The following CCDC50 variants were observed in gnomAD, a reference collection of about 807,000 sequenced individuals.
The protein encoded by CCDC50 is coiled-coil domain-containing protein 50.
A neutral mutation model predicts 70.2 loss-of-function variants in CCDC50; 54 were observed. The ratio of observed to expected loss-of-function variants is 0.77; its 90% CI spans 0.62 to 0.96. The LOEUF is 0.96. Ranked by LOEUF, CCDC50 falls within the 50% of genes least tolerant of loss-of-function variation. The pLI is 0.00. For missense variants in CCDC50, 558 were observed against 578.7 expected (o/e 0.96, Z 0.37); for synonymous variants, 216 against 198.8 (o/e 1.09, Z -0.73).
intron 1 of CCDC50, among the ~76,000 whole-genome samples, chr3:191,340,634 T>G (rs965490699): frequency 6.6e-6 from 1 of 152,198 alleles, no homozygotes; most frequent in Non-Finnish European, 1.5e-5. Flanking sequence ...TTTCTAATCT[T>G]GGACATTCAG....
rs1713749436 is a variant in CCDC50, at chr3:191,393,009, A to G, written c.*1249A>G. The stretch of plus-strand genomic sequence containing the variant: ...TGCCTTGGCCTCCCAAGGTGCTGGG[A>G]TTACAGGCTTAAGCCACCATGTCCA... On this transcript the variant is annotated 3_prime_UTR_variant, in exon 12 of 12. Coordinates refer to ENST00000392455, the MANE Select transcript of CCDC50 (RefSeq NM_178335.3). The G allele has an allele frequency of 6.6e-6, 1 of 152,412 alleles. No individual in the cohort carries two copies. Among genetic ancestry groups the G allele is most frequent in the Admixed American group, 6.5e-5 (1 of 15,282 alleles). The allele number at this position is 152,412 out of a possible 1,614,324, so 9.4% of individuals were successfully genotyped here. A position where few individuals can be genotyped will look rare whatever the true frequency, so the allele number is the denominator to read the frequency against.
chr3:191,363,849 A>C (rs1352885816), intron 4 of CCDC50, among the ~76,000 whole-genome samples: 1 of 152,212 alleles, frequency 6.6e-6, no homozygotes, highest in African/African-American at 2.4e-5. Flanking sequence ...CAAGGTAGAA[A>C]AATGTGACTC....
At chr3:191,375,815 C>T (rs1713093369) in intron 6 of CCDC50, among the ~76,000 whole-genome samples, 1 of 152,100 alleles carries the variant, frequency 6.6e-6, no homozygotes, top group Non-Finnish European at 1.5e-5. Context: ...GCACTGATTT[C>T]TTGGAGAGTT....
In CCDC50 at chr3:191,395,855, G is replaced by A. The variant is rs1245073641; in HGVS notation, c.*4095G>A. ...AATTTTCTCATTTCTGGTGGTGCCT[G>A]TGAGTCTTAAAGCCATATCTGCTTA... On this transcript the variant is annotated 3_prime_UTR_variant, in exon 12 of 12. Transcript: ENST00000392455. 1 of 152,146 alleles carries A rather than the reference G, an allele frequency of 6.6e-6. No individual in the cohort carries two copies. The highest frequency in any genetic ancestry group is 1.5e-5 in the Non-Finnish European group (1 of 68,006). The allele number at this position is 152,146 out of a possible 1,614,324, so 9.4% of individuals were successfully genotyped here. A position where few individuals can be genotyped will look rare whatever the true frequency, so the allele number is the denominator to read the frequency against.
At position 191,380,884 on chromosome 3, in the gene CCDC50, G is replaced by A. The variant is rs1439442466; in HGVS notation, c.1194G>A (p.Glu398=). ...EEKKAYKKAK[E]REKSSLDKRK... ...AGAAAGCTTACAAAAAAGCCAAGGA[G>A]CGGGAGAAATCATCTTTGGACAAAA... is the stretch of plus-strand genomic sequence containing the variant. Residue 398 remains glutamate, a synonymous_variant, in exon 9 of 12, where the codon GAG becomes GAA. Coordinates refer to ENST00000392455, the MANE Select transcript of CCDC50 (RefSeq NM_178335.3). The A allele has an allele frequency of 6.2e-7, 1 of 1,612,856 alleles. No individual in the cohort carries two copies. The highest frequency in any genetic ancestry group is 8.5e-7 in the Non-Finnish European group (1 of 1,179,280).
intron 4 of CCDC50, among the ~76,000 whole-genome samples, chr3:191,366,658 T>C (rs868483892): frequency 6.6e-6 from 1 of 151,274 alleles, no homozygotes; most frequent in South Asian, 2.1e-4. Context: ...AATTATAGGT[T>C]ACTGGAAGAT....
chr3:191,385,807 G>A (rs1713473834), intron 10 of CCDC50, among the ~76,000 whole-genome samples: 1 of 152,072 alleles, frequency 6.6e-6, no homozygotes, highest in Admixed American at 6.5e-5. Flanking sequence ...TGTATATGGT[G>A]AGAGGTATGG....
intron 5 of CCDC50, among the ~76,000 whole-genome samples, chr3:191,370,951 C>T (rs1018401107): frequency 1.3e-5 from 2 of 152,096 alleles, no homozygotes; most frequent in African/African-American, 4.8e-5. Flanking sequence ...GTCGATGAGT[C>T]TCTGGACTTA....
intron 11 of CCDC50, 51 bp from the exon 12 acceptor site, chr3:191,391,690 G>A (rs1417570809): frequency 1.9e-6 from 3 of 1,561,430 alleles, no homozygotes; most frequent in Admixed American, 3.4e-5. Flanking sequence ...AGCTGTTTGA[G>A]TTTCAAAGGT....
At chr3:191,336,411 C>T (rs1711523827) in intron 1 of CCDC50, among the ~76,000 whole-genome samples, 1 of 151,860 alleles carries the variant, frequency 6.6e-6, no homozygotes, top group South Asian at 2.1e-4. Context: ...TTTGTATTTC[C>T]CTAATGACTC....
chr3:191,331,490 G>A (rs903957908), intron 1 of CCDC50, among the ~76,000 whole-genome samples: 4 of 152,088 alleles, frequency 2.6e-5, no homozygotes, highest in African/African-American at 7.2e-5. Context: ...TTCATTTTGC[G>A]TAATACGGTG....
intron 1 of CCDC50, among the ~76,000 whole-genome samples, chr3:191,344,013 G>A (rs2108637809): frequency 6.6e-6 from 1 of 152,326 alleles, no homozygotes; most frequent in South Asian, 2.1e-4. Flanking sequence ...GCCTGAGGAA[G>A]AAGCAGCATA....
At chr3:191,388,613 G>A (rs1245112572) in intron 10 of CCDC50, among the ~76,000 whole-genome samples, 2 of 152,064 alleles carry the variant, frequency 1.3e-5, no homozygotes, top group African/African-American at 4.8e-5. Context: ...AAAAAATTTG[G>A]AAACACTTGC....
At chr3:191,344,879 A>C (rs541499638) in intron 1 of CCDC50, among the ~76,000 whole-genome samples, 2 of 152,298 alleles carry the variant, frequency 1.3e-5, no homozygotes, top group East Asian at 3.9e-4. Context: ...ATGCCCAGCC[A>C]GGATGCCAAT....
intron 3 of CCDC50, among the ~76,000 whole-genome samples, chr3:191,358,367 A>G (rs1712365828): frequency 6.6e-6 from 1 of 152,224 alleles, no homozygotes; most frequent in Non-Finnish European, 1.5e-5. Flanking sequence ...TTTAGCTGTT[A>G]TGACCTTGGG....
chr3:191,354,869 A>G (rs1011318115), intron 1 of CCDC50, among the ~76,000 whole-genome samples: 2 of 152,160 alleles, frequency 1.3e-5, no homozygotes, highest in African/African-American at 4.8e-5. Flanking sequence ...TACATATTCT[A>G]CTGTATACTT....
Position 191,375,511 on chromosome 3 carries a change from G to A in CCDC50, c.898G>A (p.Glu300Lys). Residue 300 changes from glutamate to lysine, a missense_variant, in exon 6 of 12, where the codon GAG (glutamate) becomes AAG (lysine). By Grantham distance (56) the Glu-to-Lys change is moderately conservative. Coordinates refer to ENST00000392455, the MANE Select transcript of CCDC50 (RefSeq NM_178335.3). ...ATATGGGAGGGACCATGGGCAAGGT[G>A]AGCACAGAAAAAGGAGACACAGGCC... ...VVYGRDHGQGEHRKRRHRPRT... is the reference protein window; with the variant it reads ...VVYGRDHGQGKHRKRRHRPRT... The A allele has an allele frequency of 6.2e-7, 1 of 1,613,660 alleles. No individual in the cohort carries two copies. The highest frequency in any genetic ancestry group is 8.5e-7 in the Non-Finnish European group (1 of 1,179,826).
At chr3:191,376,317 A>C (rs1482726013) in intron 6 of CCDC50, among the ~76,000 whole-genome samples, 1 of 152,202 alleles carries the variant, frequency 6.6e-6, no homozygotes, top group East Asian at 1.9e-4. Flanking sequence ...TTGGTGTTCT[A>C]AAGTACCAAT....
Position 191,392,774 on chromosome 3 carries a change from G to C in CCDC50, c.*1014G>C, listed in dbSNP as rs1287842086. On this transcript the variant is annotated 3_prime_UTR_variant, in exon 12 of 12. Transcript: ENST00000392455. ...GTTTTTTGAGTTGGAGTCTCGCCCT[G>C]TCACACAGGCTGGAGTGCAGTGGTG... 6.6e-6 allele frequency: 1 copy of C among 152,252 alleles called. No individual in the cohort carries two copies. The highest frequency in any genetic ancestry group is 1.5e-5 in the Non-Finnish European group (1 of 68,118). The allele number at this position is 152,252 out of a possible 1,614,324, so 9.4% of individuals were successfully genotyped here. A position where few individuals can be genotyped will look rare whatever the true frequency, so the allele number is the denominator to read the frequency against.
Sources: gnomAD v4.1 joint callset for allele counts (sites outside exome capture counted in the v4.1 genomes callset) on GRCh38, gnomAD v4.1.1 for gene constraint, MANE v1.5 for transcripts, NCBI Gene and HGNC (gene_info 2026-07-23, HGNC 2026-07-21) for gene names.